The following CSDE1 variants were observed in gnomAD, a reference collection of about 807,000 sequenced individuals.
CSDE1 encodes cold shock domain containing E1, also known as cold shock domain-containing protein E1.
A neutral mutation model predicts 89.3 loss-of-function variants in CSDE1; 17 were observed. That is an observed-to-expected ratio of 0.19 (90% CI 0.13 to 0.29). The LOEUF (loss-of-function observed/expected upper bound fraction) is 0.29. Among genes scored for constraint, CSDE1 ranks in the 10% least tolerant of loss-of-function variants. CSDE1 has a pLI of 1.00. For missense variants in CSDE1, 672 were observed against 984.2 expected, an observed-to-expected ratio of 0.68 and a Z score of 4.24; for synonymous variants, 322 against 332.8, an observed-to-expected ratio of 0.97 and a Z score of 0.35.
Position 114,738,002 on chromosome 1 carries a change from T to C in CSDE1, c.270A>G (p.Ile90Met). ...GTTCTTCAGGGAGGATTTCTTGTTT[T>C]ATCTTCACCAGTTTAACAGCAATGG... is the stretch of plus-strand genomic sequence containing the variant. ...GKPIAVKLVK[I>M]KQEILPEERM... The change falls in exon 4 of 20, where the codon ATA (isoleucine) becomes ATG (methionine). Residue 90 changes from isoleucine to methionine, a missense_variant. Transcript: ENST00000358528. 6.2e-7 allele frequency: 1 copy of C among 1,614,070 alleles called. No homozygotes were observed. Among genetic ancestry groups the C allele is most frequent in the Non-Finnish European group, 8.5e-7 (1 of 1,179,890 alleles).
intron 18 of CSDE1, 133 bp from the exon 19 acceptor site, chr1:114,718,878 T>A: frequency 1.1e-6 from 1 of 933,564 alleles, no homozygotes; most frequent in Non-Finnish European, 1.6e-6. Flanking sequence ...CTCATATACC[T>A]AGCTAGAAAG....
At chr1:114,731,389 GT>G (rs952609956) in intron 10 of CSDE1, among the ~76,000 whole-genome samples, 3 of 130,294 alleles carry the variant, frequency 2.3e-5, no homozygotes, top group African/African-American at 9.7e-5. Context: ...CTTTGAAAAT[GT>G]AAAAAAAAAA....
intron 2 of CSDE1, 107 bp from the exon 3 acceptor site, chr1:114,739,997 AG>A (rs1266861636): frequency 4.8e-6 from 4 of 831,084 alleles, no homozygotes; most frequent in Non-Finnish European, 5.8e-6. Context: ...CGCAAAAAAA[AG>A]TAAAATGAAG....
intron 15 of CSDE1, among the ~76,000 whole-genome samples, chr1:114,724,924 G>A (rs367895775): frequency 2.3e-4 from 35 of 152,070 alleles, no homozygotes; most frequent in African/African-American, 7.7e-4. Context: ...ACAATGAATT[G>A]AAAATATAAA....
Position 114,717,279 on chromosome 1 carries a change from A to C in CSDE1, c.*890T>G, listed in dbSNP as rs1185309494. On this transcript the variant is annotated 3_prime_UTR_variant, in exon 20 of 20. Coordinates refer to ENST00000358528, the MANE Select transcript of CSDE1 (RefSeq NM_001007553.3). ...GTAACCAGGCGGCTACTTATAAAAA[A>C]AAACAAGATTCATTTCAGGCACAAC... 1.3e-5 allele frequency: 2 copies of C among 152,586 alleles called. No homozygotes were observed. The highest frequency in any genetic ancestry group is 1.5e-5 in the Non-Finnish European group (1 of 68,048). The allele number at this position is 152,586 out of a possible 1,614,324, so 9.5% of individuals were successfully genotyped here.
intron 2 of CSDE1, among the ~76,000 whole-genome samples, chr1:114,747,854 T>A (rs751557048): frequency 6.6e-6 from 1 of 151,434 alleles, no homozygotes; most frequent in Admixed American, 6.6e-5. Context: ...CAAGACTCTG[T>A]CTCAGAGAGG....
At chr1:114,718,244 G>A (rs1036478630) in intron 19 of CSDE1, 28 bp from the exon 20 acceptor site, 2 of 1,604,580 alleles carry the variant, frequency 1.2e-6, no homozygotes, top group African/African-American at 2.7e-5. Context: ...AAAAAACCCT[G>A]CAGTTAATGA....
At chr1:114,740,252 G>A (rs1299866335) in intron 2 of CSDE1, among the ~76,000 whole-genome samples, 1 of 152,162 alleles carries the variant, frequency 6.6e-6, no homozygotes, top group Non-Finnish European at 1.5e-5. Flanking sequence ...TTAAGAGACA[G>A]CGACCACAAA....
chr1:114,749,378 G>A (rs544476203), intron 2 of CSDE1, among the ~76,000 whole-genome samples: 4 of 152,108 alleles, frequency 2.6e-5, no homozygotes, highest in African/African-American at 7.2e-5. Context: ...ACTGTATACC[G>A]TTCACAAATA....
chr1:114,719,855 A>T (rs1208417171), intron 17 of CSDE1, 113 bp from the exon 18 acceptor site: 2 of 1,043,086 alleles, frequency 1.9e-6, no homozygotes, highest in African/African-American at 3.2e-5. Flanking sequence ...TAATGTTGAT[A>T]CTCCAGTCCA....
intron 14 of CSDE1, 136 bp downstream of exon 14, chr1:114,726,075 T>C (rs1171101490): frequency 9.9e-6 from 9 of 909,920 alleles, no homozygotes; most frequent in Non-Finnish European, 1.5e-5. Context: ...AACTTCAGTT[T>C]ATATCTTGCC....
At chr1:114,726,479 G>T in intron 13 of CSDE1, 93 bp from the exon 14 acceptor site, 1 of 955,110 alleles carries the variant, frequency 1.0e-6, no homozygotes, top group Non-Finnish European at 1.5e-6. Context: ...CCCAGCGCAT[G>T]CTTTTCATTC....
intron 3 of CSDE1, among the ~76,000 whole-genome samples, chr1:114,738,795 T>G (rs762251031): frequency 6.7e-6 from 1 of 148,822 alleles, no homozygotes; most frequent in Non-Finnish European, 1.5e-5. Flanking sequence ...CTCAGTCTAC[T>G]TAGTAGCTGG....
In CSDE1 at chr1:114,723,970, T is replaced by C; in HGVS notation, c.1786A>G (p.Ile596Val). 1 of 1,613,982 alleles carries C rather than the reference T, an allele frequency of 6.2e-7. No homozygotes were observed. The highest frequency in any genetic ancestry group is 1.3e-5 in the African/African-American group (1 of 75,040). The change falls in exon 16 of 20, where the codon ATT becomes GTT. Residue 596 changes from isoleucine (I) to valine (V), a missense_variant. Physicochemically the swap from Ile to Val is conservative, Grantham distance 29. Transcript: ENST00000358528. ...GGGCGAATTACTTTGCCAGAGTAAA[T>C]GGTGGGATCAGCTTCCTCAGTAATG... is the stretch of plus-strand genomic sequence containing the variant. ...NGITEEADPT[I>V]YSGKVIRPLR... is the part of the protein sequence containing the mutation.
chr1:114,741,420 G>T, intron 2 of CSDE1: 1 of 1,074,240 alleles, frequency 9.3e-7, no homozygotes. Flanking sequence ...GATTCGGGAA[G>T]TTAGAAGGTG....
intron 1 of CSDE1, among the ~76,000 whole-genome samples, chr1:114,753,060 T>TAA (rs141071329): frequency 0.29 from 44,514 of 152,028 alleles, 7,258 homozygotes; most frequent in African/African-American, 0.42. Context: ...TTTAATTATA[T>TAA]AGTTTTAATT....
chr1:114,751,005 T>A (rs747400231), intron 1 of CSDE1, among the ~76,000 whole-genome samples: 1 of 152,190 alleles, frequency 6.6e-6, no homozygotes, highest in Admixed American at 6.5e-5. Flanking sequence ...AGAGCTGGGC[T>A]GAAGTGAAAT....
chr1:114,741,600 G>A, intron 2 of CSDE1: 1 of 1,549,958 alleles, frequency 6.5e-7, no homozygotes, highest in African/African-American at 1.4e-5. Context: ...TAAGGGTAAA[G>A]AAAGTGAAGG....
chr1:114,731,199 G>GA (rs1660080439), intron 10 of CSDE1, among the ~76,000 whole-genome samples: 1 of 150,494 alleles, frequency 6.6e-6, no homozygotes, highest in African/African-American at 2.4e-5. Flanking sequence ...CATGTTTAAT[G>GA]AAACAATGAA....
Sources: allele counts gnomAD v4.1 joint callset (sites outside exome capture counted in the v4.1 genomes callset), GRCh38; gene constraint gnomAD v4.1.1; transcripts MANE v1.5; gene names NCBI Gene and HGNC (gene_info 2026-07-23, HGNC 2026-07-21).